GPC6: variants seen among roughly 807,000 people sequenced by gnomAD.
The protein encoded by GPC6 is glypican-6.
A neutral mutation model predicts 55.2 loss-of-function variants in GPC6; 14 were observed. That is an observed-to-expected ratio of 0.25 (90% CI 0.17 to 0.40). GPC6 has a LOEUF of 0.40. GPC6 is among the 10% of genes least tolerant of loss of function. GPC6 has a pLI of 1.00. For missense variants in GPC6, 641 were observed against 708.5 expected (o/e 0.90, Z 1.08); for synonymous variants, 278 against 259.6 (o/e 1.07, Z -0.68).
chr13:94,078,311 G>A (rs1884990267), intron 4 of GPC6, among the ~76,000 whole-genome samples: 1 of 151,710 alleles, frequency 6.6e-6, no homozygotes, highest in South Asian at 2.1e-4. Flanking sequence ...CATTAAAAAG[G>A]AGAATGATCT....
chr13:93,304,684 A>T (rs543741675), intron 1 of GPC6, among the ~76,000 whole-genome samples: 4 of 152,330 alleles, frequency 2.6e-5, no homozygotes, highest in Admixed American at 2.6e-4. Context: ...CTACTTCACT[A>T]TGGATCTGAG....
At chr13:93,823,413 G>A (rs924346011) in intron 2 of GPC6, among the ~76,000 whole-genome samples, 2 of 151,770 alleles carry the variant, frequency 1.3e-5, no homozygotes, top group South Asian at 4.2e-4. Context: ...TTGATCTAGG[G>A]CAACTCACTT....
At chr13:93,593,148 A>G (rs1228493963) in intron 2 of GPC6, among the ~76,000 whole-genome samples, 1 of 152,158 alleles carries the variant, frequency 6.6e-6, no homozygotes, top group Non-Finnish European at 1.5e-5. Flanking sequence ...TTAATATATC[A>G]TAGTTAAAAT....
intron 4 of GPC6, chr13:94,186,906 G>A (rs778583466): frequency 8.5e-5 from 13 of 152,192 alleles, no homozygotes; most frequent in Non-Finnish European, 7.3e-5. Flanking sequence ...TGGAACTTAC[G>A]AAGGTTCGAT....
At chr13:93,482,929 A>G (rs886670492) in intron 1 of GPC6, among the ~76,000 whole-genome samples, 1 of 152,116 alleles carries the variant, frequency 6.6e-6, no homozygotes, top group East Asian at 1.9e-4. Context: ...TGTGGTCTGT[A>G]AGTCTGCTTG....
At chr13:93,807,182 C>T (rs147887170) in intron 2 of GPC6, among the ~76,000 whole-genome samples, 1,584 of 152,222 alleles carry the variant, frequency 0.01, 30 homozygotes, top group African/African-American at 0.036. Context: ...GCTCTTCTCC[C>T]GTTTCACTTC....
chr13:93,977,495 TG>T (rs2140400892), intron 3 of GPC6, among the ~76,000 whole-genome samples: 1 of 148,544 alleles, frequency 6.7e-6, no homozygotes, highest in Admixed American at 6.8e-5. Flanking sequence ...TGTGTGTGTG[TG>T]TGTGTGTGTG....
chr13:94,052,210 G>A (rs1556082), intron 4 of GPC6, among the ~76,000 whole-genome samples: 22,050 of 152,182 alleles, frequency 0.14, 1,993 homozygotes, highest in East Asian at 0.36. Flanking sequence ...CTTTTTATAG[G>A]AGGTAGTATT....
intron 6 of GPC6, among the ~76,000 whole-genome samples, chr13:94,341,772 A>C (rs905455468): frequency 6.6e-6 from 1 of 152,240 alleles, no homozygotes; most frequent in African/African-American, 2.4e-5. Context: ...TAAGGATTAC[A>C]GTGACATATG....
Position 93,243,191 on chromosome 13 carries a change from C to G in GPC6, c.160+15575C>G, listed in dbSNP as rs138794190. Among the ~76,000 whole-genome samples, 608 of 152,302 alleles carry G rather than the reference C, an allele frequency of 4.0e-3. 3 individuals carry two copies. The highest frequency in any genetic ancestry group is 0.014 in the African/African-American group (587 of 41,576). On this transcript the variant is annotated intron_variant, in intron 1 of 8. Coordinates refer to ENST00000377047, the MANE Select transcript of GPC6 (RefSeq NM_005708.5). ...AGATGCCAAGAGCATTCCCACCTAC[C>G]CTTTCCACAGAATACTAAGTCTCTC...
intron 6 of GPC6, among the ~76,000 whole-genome samples, chr13:94,360,575 G>A (rs4143991): frequency 3.2e-4 from 48 of 151,270 alleles, no homozygotes; most frequent in East Asian, 1.4e-3. Flanking sequence ...CCATAGTGGC[G>A]TTAAAAAAAA....
chr13:94,229,451 G>A (rs1279686836), intron 4 of GPC6, among the ~76,000 whole-genome samples: 2 of 152,232 alleles, frequency 1.3e-5, no homozygotes, highest in South Asian at 2.1e-4. Context: ...TTTCCATTTT[G>A]CAGTAGCTGT....
chr13:93,235,456 A>G (rs1315865225), intron 1 of GPC6, among the ~76,000 whole-genome samples: 2 of 152,056 alleles, frequency 1.3e-5, no homozygotes, highest in East Asian at 3.9e-4. Context: ...GGATTAGGCA[A>G]GCAGTATCAC....
chr13:94,107,535 G>A (rs1273799432), intron 4 of GPC6, among the ~76,000 whole-genome samples: 1 of 150,544 alleles, frequency 6.6e-6, no homozygotes, highest in Non-Finnish European at 1.5e-5. Flanking sequence ...ATAACCTCAG[G>A]CAAGACATTT....
At chr13:94,308,042 T>C (rs1191122936) in intron 6 of GPC6, among the ~76,000 whole-genome samples, 1 of 152,186 alleles carries the variant, frequency 6.6e-6, no homozygotes, top group East Asian at 1.9e-4. Flanking sequence ...TTAAGTATCC[T>C]TACCACAATA....
At chr13:94,308,937 C>G (rs1876096721) in intron 6 of GPC6, among the ~76,000 whole-genome samples, 1 of 152,130 alleles carries the variant, frequency 6.6e-6, no homozygotes, top group Admixed American at 6.6e-5. Context: ...GGGAGTTATC[C>G]TTGGCCAGAC....
chr13:93,547,656 A>T (rs1280541341), intron 2 of GPC6, among the ~76,000 whole-genome samples: 2 of 152,080 alleles, frequency 1.3e-5, no homozygotes, highest in Non-Finnish European at 2.9e-5. Flanking sequence ...ATCTTATTGC[A>T]GTTGCATTGA....
At chr13:93,473,074 G>C (rs1384555522) in intron 1 of GPC6, among the ~76,000 whole-genome samples, 1 of 152,178 alleles carries the variant, frequency 6.6e-6, no homozygotes, top group Non-Finnish European at 1.5e-5. Flanking sequence ...GCACCAATTG[G>C]TCCATGGGTG....
intron 1 of GPC6, among the ~76,000 whole-genome samples, chr13:93,330,880 A>G (rs541399565): frequency 5.3e-5 from 8 of 152,296 alleles, no homozygotes; most frequent in African/African-American, 1.9e-4. Context: ...TTTGCATCCT[A>G]ACATCATATC....
Sources: allele counts gnomAD v4.1 joint callset (sites outside exome capture counted in the v4.1 genomes callset), GRCh38; gene constraint gnomAD v4.1.1; transcripts MANE v1.5; gene names NCBI Gene and HGNC (gene_info 2026-07-23, HGNC 2026-07-21).